Variants in PTPRD observed in about 807,000 individuals in gnomAD.
The protein encoded by PTPRD is protein tyrosine phosphatase receptor type D, also known as receptor-type tyrosine-protein phosphatase delta.
A neutral mutation model predicts 214.5 loss-of-function variants in PTPRD; 34 were observed. The observed-to-expected ratio is 0.16, with a 90% CI of 0.12 to 0.21. The LOEUF (loss-of-function observed/expected upper bound fraction) is 0.21, where lower values mean the gene tolerates loss of function less well. Ranked by LOEUF, PTPRD falls within the 10% of genes least tolerant of loss-of-function variation. The pLI, the probability that PTPRD is intolerant of heterozygous loss-of-function variation, is 1.00. For missense variants in PTPRD, 2,545 were observed against 2,398.7 expected, an observed-to-expected ratio of 1.06 and a Z score of -1.27; for synonymous variants, 1,128 against 845.7, an observed-to-expected ratio of 1.33 and a Z score of -5.79.
intron 10 of PTPRD, among the ~76,000 whole-genome samples, chr9:9,123,079 C>T (rs117626992): frequency 2.6e-5 from 4 of 152,224 alleles, no homozygotes; most frequent in East Asian, 1.9e-4. Context: ...AAATGAGAAC[C>T]GAAGCAGGAC....
intron 10 of PTPRD, among the ~76,000 whole-genome samples, chr9:9,182,107 T>C (rs998354010): frequency 3.3e-5 from 5 of 151,988 alleles, no homozygotes; most frequent in Non-Finnish European, 4.4e-5. Context: ...ACATATAAAA[T>C]TGAACAATGA....
chr9:9,771,032 A>C (rs1341741548), intron 5 of PTPRD, among the ~76,000 whole-genome samples: 2 of 152,206 alleles, frequency 1.3e-5, no homozygotes, highest in African/African-American at 2.4e-5. Flanking sequence ...GATGGAAGTC[A>C]ACAATTATTA....
intron 8 of PTPRD, among the ~76,000 whole-genome samples, chr9:9,407,010 T>G (rs1398570545): frequency 6.6e-6 from 1 of 151,794 alleles, no homozygotes; most frequent in Non-Finnish European, 1.5e-5. Flanking sequence ...TTACCCTCTC[T>G]GAACTTCAGT....
At chr9:9,486,379 AT>A (rs2095638662) in intron 8 of PTPRD, among the ~76,000 whole-genome samples, 1 of 151,910 alleles carries the variant, frequency 6.6e-6, no homozygotes, top group African/African-American at 2.4e-5. Context: ...CAGTATTCTT[AT>A]TGCTTCCAAT....
intron 3 of PTPRD, among the ~76,000 whole-genome samples, chr9:10,216,238 C>A (rs926636046): frequency 2.0e-5 from 3 of 151,644 alleles, no homozygotes; most frequent in African/African-American, 4.9e-5. Context: ...AGGTTTGGGG[C>A]CTGAGAGTGA....
chr9:8,581,667 G>A (rs2093123072), intron 14 of PTPRD, among the ~76,000 whole-genome samples: 1 of 152,118 alleles, frequency 6.6e-6, no homozygotes, highest in Admixed American at 6.5e-5. Context: ...AGAATGGCGT[G>A]AACCCAGAGG....
chr9:9,140,786 G>C (rs2099858988), intron 10 of PTPRD, among the ~76,000 whole-genome samples: 1 of 152,124 alleles, frequency 6.6e-6, no homozygotes, highest in Admixed American at 6.5e-5. Context: ...CACCGTATTA[G>C]CCAGGATGGT....
At chr9:9,079,254 T>C (rs1368026220) in intron 10 of PTPRD, among the ~76,000 whole-genome samples, 1 of 152,056 alleles carries the variant, frequency 6.6e-6, no homozygotes, top group African/African-American at 2.4e-5. Context: ...ACTGTTTACT[T>C]ACATTAGATC....
intron 12 of PTPRD, among the ~76,000 whole-genome samples, chr9:8,725,253 G>A (rs2098544770): frequency 6.6e-6 from 1 of 152,138 alleles, no homozygotes; most frequent in African/African-American, 2.4e-5. Context: ...TCCCTTTAAT[G>A]CTTGTTACTG....
intron 10 of PTPRD, among the ~76,000 whole-genome samples, chr9:9,059,261 G>A (rs913477603): frequency 2.0e-5 from 3 of 152,170 alleles, no homozygotes; most frequent in African/African-American, 7.2e-5. Context: ...CTGGCAGACA[G>A]CCAACTACAA....
chr9:9,004,839 G>T (rs62529159), intron 11 of PTPRD, among the ~76,000 whole-genome samples: 10,176 of 152,022 alleles, frequency 0.067, 449 homozygotes, highest in East Asian at 0.17. Context: ...TTCAAAACAC[G>T]TGTGTATAGG....
At chr9:10,377,924 T>A (rs1236876594) in intron 2 of PTPRD, among the ~76,000 whole-genome samples, 1 of 152,062 alleles carries the variant, frequency 6.6e-6, no homozygotes, top group African/African-American at 2.4e-5. Context: ...GGTGTATATG[T>A]GGGAGTAGGA....
chr9:10,516,622 G>C (rs1265481768), intron 2 of PTPRD, among the ~76,000 whole-genome samples: 1 of 151,860 alleles, frequency 6.6e-6, no homozygotes, highest in East Asian at 1.9e-4. Flanking sequence ...TGTGCTTTTA[G>C]AGTCATATCC....
chr9:8,911,415 T>TTG lies in PTPRD; in HGVS notation c.-104+107280_-104+107281dup, dbSNP rs757801073. On this transcript the variant is annotated intron_variant, in intron 11 of 45. Coordinates refer to ENST00000381196, the MANE Select transcript of PTPRD (RefSeq NM_002839.4). Reference sequence around the variant, plus strand: ...GTGTGTGTCTGTGTGTGTGTGTGTGTTGTGTGTGTGTGTGTGTGTGTGTGT... The same window carrying TTG: ...GTGTGTGTCTGTGTGTGTGTGTGTGTTGTGTGTGTGTGTGTGTGTGTGTGTGT... Among the ~76,000 whole-genome samples the TTG allele has an allele frequency of 9.7e-3, 1,240 of 127,706 alleles. 20 individuals are homozygous for TTG. Among genetic ancestry groups the TTG allele is most frequent in the African/African-American group, 0.025 (929 of 37,094 alleles). 83.8% of individuals were successfully genotyped at this position (127,706 alleles called of 152,430 possible). A position where few individuals can be genotyped will look rare whatever the true frequency, so the allele number is the denominator to read the frequency against.
intron 6 of PTPRD, among the ~76,000 whole-genome samples, chr9:9,746,402 A>G (rs1314697652): frequency 6.6e-6 from 1 of 152,164 alleles, no homozygotes; most frequent in Non-Finnish European, 1.5e-5. Flanking sequence ...CTAAAAATCT[A>G]TCAGGGGAAC....
chr9:8,754,979 G>T (rs2093865590), intron 11 of PTPRD, among the ~76,000 whole-genome samples: 1 of 151,962 alleles, frequency 6.6e-6, no homozygotes, highest in East Asian at 1.9e-4. Context: ...AGCCATTAAA[G>T]AAATGCAAAT....
intron 4 of PTPRD, among the ~76,000 whole-genome samples, chr9:9,953,651 A>G (rs1467518535): frequency 2.0e-5 from 3 of 152,120 alleles, no homozygotes; most frequent in Non-Finnish European, 2.9e-5. Flanking sequence ...ACAGTCTGTG[A>G]TATTGGTTTA....
chr9:9,401,161 T>C (rs765030898), intron 8 of PTPRD, among the ~76,000 whole-genome samples: 12 of 151,970 alleles, frequency 7.9e-5, no homozygotes, highest in Non-Finnish European at 1.6e-4. Context: ...TAAATGCAAA[T>C]AGGTACCCAT....
chr9:10,300,579 G>T (rs1256062746), intron 3 of PTPRD, among the ~76,000 whole-genome samples: 1 of 152,178 alleles, frequency 6.6e-6, no homozygotes, highest in African/African-American at 2.4e-5. Context: ...CTTGGTGAGG[G>T]AAGGGGCGTC....
Sources: gnomAD v4.1 joint callset for allele counts (sites outside exome capture counted in the v4.1 genomes callset) on GRCh38, gnomAD v4.1.1 for gene constraint, MANE v1.5 for transcripts, NCBI Gene and HGNC (gene_info 2026-07-23, HGNC 2026-07-21) for gene names.